The following MAJIN variants were observed in gnomAD, a reference collection of about 807,000 sequenced individuals.
MAJIN encodes the protein membrane anchored junction protein.
In MAJIN, 27 loss-of-function variants were observed where a neutral mutation model predicts 30.2. The observed-to-expected ratio is 0.89, with a 90% CI of 0.66 to 1.23. The LOEUF is 1.23. Among genes scored for constraint, MAJIN ranks in the 50% most tolerant of loss-of-function variants. The pLI is 0.00. For missense variants in MAJIN, 253 were observed against 260.3 expected, an observed-to-expected ratio of 0.97 and a Z score of 0.19; for synonymous variants, 78 against 91.6, an observed-to-expected ratio of 0.85 and a Z score of 0.85.
At chr11:64,960,781 G>A (rs1945709224) in intron 1 of MAJIN, among the ~76,000 whole-genome samples, 2 of 152,070 alleles carry the variant, frequency 1.3e-5, no homozygotes, top group South Asian at 2.1e-4. Flanking sequence ...CAAGTTCTAC[G>A]TGCCCGAAGA....
chr11:64,967,475 C>T lies in MAJIN; in HGVS notation c.-65+4402G>A, dbSNP rs143519057. On this transcript the variant is annotated intron_variant, in intron 1 of 10. Transcript: ENST00000301896. ...AAAAAGAAACAAAGTGCTGGTTTCCCCGTAACATGTCAGGGAAGCCCATTC... is the reference window on the plus strand; with the variant it reads ...AAAAAGAAACAAAGTGCTGGTTTCCTCGTAACATGTCAGGGAAGCCCATTC... Among the ~76,000 whole-genome samples the T allele has an allele frequency of 1.6e-3, 250 of 151,920 alleles. 1 individual carries two copies. The highest frequency in any genetic ancestry group is 5.5e-3 in the African/African-American group (228 of 41,454).
intron 1 of MAJIN, among the ~76,000 whole-genome samples, chr11:64,968,704 T>C (rs2518909): frequency 0.75 from 114,026 of 151,178 alleles, 43,170 homozygotes; most frequent in African/African-American, 0.78. Flanking sequence ...TGGTGGCGGG[T>C]GCCTGTAGTC....
chr11:64,945,841 G>C (rs1299685212), intron 8 of MAJIN, among the ~76,000 whole-genome samples: 2 of 152,164 alleles, frequency 1.3e-5, no homozygotes, highest in Non-Finnish European at 2.9e-5. Context: ...CAGGCAAAGA[G>C]AGGACTTTTT....
intron 6 of MAJIN, among the ~76,000 whole-genome samples, chr11:64,949,358 A>T (rs968723330): frequency 6.6e-6 from 1 of 152,050 alleles, no homozygotes; most frequent in Admixed American, 6.6e-5. Context: ...AGATACCTTT[A>T]AGATAGCTCT....
intron 1 of MAJIN, among the ~76,000 whole-genome samples, chr11:64,971,156 G>T (rs142039526): frequency 1.3e-5 from 2 of 152,200 alleles, no homozygotes; most frequent in African/African-American, 2.4e-5. Flanking sequence ...AGCCGGGTAT[G>T]GTGGCGGGCA....
intron 8 of MAJIN, among the ~76,000 whole-genome samples, chr11:64,945,767 C>T (rs981716608): frequency 6.6e-5 from 10 of 152,058 alleles, no homozygotes; most frequent in African/African-American, 2.4e-4. Flanking sequence ...GAACTCCTGA[C>T]TTCAGGTGAT....
chr11:64,947,278 G>T, intron 8 of MAJIN, 96 bp downstream of exon 8: 2 of 1,054,510 alleles, frequency 1.9e-6, no homozygotes, highest in Non-Finnish European at 2.7e-6. Flanking sequence ...TCCTGCAAAA[G>T]AAAGTGACTC....
chr11:64,954,135 C>T (rs148786486), intron 4 of MAJIN: 12 of 156,862 alleles, frequency 7.7e-5, no homozygotes, highest in East Asian at 5.7e-4. Context: ...GATTTGCCAA[C>T]GGTCACACAG....
chr11:64,943,207 A>C (rs1002408977), intron 8 of MAJIN, among the ~76,000 whole-genome samples: 3 of 152,136 alleles, frequency 2.0e-5, no homozygotes, highest in Non-Finnish European at 2.9e-5. Flanking sequence ...GCAAAACAAC[A>C]ACAACAACAA....
intron 4 of MAJIN, among the ~76,000 whole-genome samples, chr11:64,951,791 T>C (rs573451085): frequency 1.3e-5 from 2 of 151,702 alleles, no homozygotes; most frequent in African/African-American, 4.8e-5. Context: ...AAAAAAGATA[T>C]TGTGTCTTGT....
rs959417933 is a variant in MAJIN, at chr11:64,970,290, C to G, written c.-65+1587G>C. On this transcript the variant is annotated intron_variant, in intron 1 of 10. Coordinates refer to ENST00000301896, the MANE Select transcript of MAJIN (RefSeq NM_001037225.3). ...AGGCAGGAGCATCGCTTGAACCCAG[C>G]AGGCAGAGGTTGCAGTGAGCCCAAA... 9.5e-5 allele frequency among the ~76,000 whole-genome samples: 14 copies of G among 147,884 alleles called. No individual in the cohort carries two copies. The East Asian group carries it at 2.7e-3, about 28-fold the overall frequency.
At position 64,954,794 on chromosome 11, in the gene MAJIN, T is replaced by C. The variant is rs1300462997; in HGVS notation, c.110A>G (p.Glu37Gly). The C allele has an allele frequency of 1.2e-6, 2 of 1,611,980 alleles. No homozygotes were observed. The highest frequency in any genetic ancestry group is 1.7e-6 in the Non-Finnish European group (2 of 1,179,138). ...IRYGKSIRGE[E>G]IENKEVITQE... ...GGTGATGACTTCCTTATTTTCTATCTCTTCTCCTCTAGAAGGTAAACAGAC... is the reference window on the plus strand; with the variant it reads ...GGTGATGACTTCCTTATTTTCTATCCCTTCTCCTCTAGAAGGTAAACAGAC... Residue 37 changes from glutamate to glycine, a missense_variant, in exon 4 of 11, where the codon GAG becomes GGG. By Grantham distance (98) the Glu-to-Gly change is moderately conservative. Coordinates refer to ENST00000301896, the MANE Select transcript of MAJIN (RefSeq NM_001037225.3).
rs781719660 is a variant in MAJIN, at chr11:64,959,380, G to A, written c.26C>T (p.Pro9Leu). The A allele has an allele frequency of 3.1e-6, 5 of 1,613,906 alleles. No homozygotes were observed. The highest frequency in any genetic ancestry group is 1.7e-5 in the Admixed American group (1 of 60,004). MSLKPFTY[P>L]FPETRFLHAG... ...ATGAAGAAACCTCGTCTCTGGAAAC[G>A]GGTAGGTAAAGGGTTTTAAACTCAT... Residue 9 changes from proline (P) to leucine (L), a missense_variant, in exon 3 of 11, where the codon CCG becomes CTG. Pro to Leu is a moderately conservative substitution (Grantham distance 98). Transcript: ENST00000301896.
At chr11:64,944,007 G>C (rs1945414369) in intron 8 of MAJIN, among the ~76,000 whole-genome samples, 1 of 152,190 alleles carries the variant, frequency 6.6e-6, no homozygotes, top group African/African-American at 2.4e-5. Context: ...CCTGCACACA[G>C]AGGCAGAGGT....
intron 1 of MAJIN, among the ~76,000 whole-genome samples, chr11:64,966,154 A>AG (rs1697834247): frequency 6.7e-6 from 1 of 149,100 alleles, no homozygotes; most frequent in Admixed American, 6.6e-5. Context: ...TGAAAAAAAA[A>AG]AAAAAAAAAA....
chr11:64,962,667 C>G (rs1370008566), intron 1 of MAJIN, among the ~76,000 whole-genome samples: 1 of 152,232 alleles, frequency 6.6e-6, no homozygotes, highest in Non-Finnish European at 1.5e-5. Context: ...TTAACTTCTT[C>G]ATTTCCTAGT....
chr11:64,962,131 C>G (rs1032114930), intron 1 of MAJIN, among the ~76,000 whole-genome samples: 1 of 152,202 alleles, frequency 6.6e-6, no homozygotes, highest in Non-Finnish European at 1.5e-5. Context: ...CGCCCCACCC[C>G]TAACAGAGGG....
intron 3 of MAJIN, among the ~76,000 whole-genome samples, chr11:64,957,961 A>T (rs1257464266): frequency 6.6e-6 from 1 of 151,186 alleles, no homozygotes; most frequent in Non-Finnish European, 1.5e-5. Context: ...TTTTTTTTTA[A>T]GACAGAGTTT....
At position 64,948,627 on chromosome 11, in the gene MAJIN, A is replaced by G. The variant is rs1565127072; in HGVS notation, c.350-808T>C. ...CATATATATATATATATATATATAT[A>G]TATATATATATATTTTTTTTTTTTT... is the stretch of plus-strand genomic sequence containing the variant. On this transcript the variant is annotated intron_variant, in intron 6 of 10. Coordinates refer to ENST00000301896, the MANE Select transcript of MAJIN (RefSeq NM_001037225.3). Among the ~76,000 whole-genome samples the G allele has an allele frequency of 3.8e-4, 16 of 41,794 alleles. 1 individual carries two copies. Among genetic ancestry groups the G allele is most frequent in the African/African-American group, 2.0e-3 (15 of 7,452 alleles). 27.4% of individuals were successfully genotyped at this position (41,794 alleles called of 152,430 possible).
Sources: allele counts gnomAD v4.1 joint callset (sites outside exome capture counted in the v4.1 genomes callset), GRCh38; gene constraint gnomAD v4.1.1; transcripts MANE v1.5; gene names NCBI Gene and HGNC (gene_info 2026-07-23, HGNC 2026-07-21).